The following TCF12 variants were observed in gnomAD, a reference collection of about 807,000 sequenced individuals.
The protein encoded by TCF12 is transcription factor 12.
Under a neutral mutation model 86.0 loss-of-function variants are expected in TCF12, and 45 were observed. That is an observed-to-expected ratio of 0.52 (90% confidence interval 0.41 to 0.67). TCF12 has a LOEUF of 0.67. TCF12 is among the 30% of genes least tolerant of loss of function. The probability of loss-of-function intolerance (pLI) is 0.00; values close to 1 mark genes in which losing one functional copy is unlikely to be tolerated. For missense variants in TCF12, 881 were observed against 859.9 expected (o/e 1.02, Z -0.31); for synonymous variants, 330 against 299.6 (o/e 1.10, Z -1.05).
rs1296502049 is a variant in TCF12, at chr15:57,246,827, T to G, written c.1114+3277T>G. 3.7e-5 allele frequency: 13 copies of G among 348,520 alleles called. No homozygotes were observed. In the East Asian group the frequency reaches 9.6e-4, roughly 26 times the overall value. The allele number at this position is 348,520 out of a possible 1,614,324, so 21.6% of individuals were successfully genotyped here. ...CAGTAACTTTTCTGACTATGGATCA[T>G]TGTTCCTTCTGTGGCAGATTTTTAC... On this transcript the variant is annotated intron_variant, in intron 13 of 20. Transcript: ENST00000333725.
chr15:57,002,696 C>T (rs189673180), intron 3 of TCF12, among the ~76,000 whole-genome samples: 21 of 152,316 alleles, frequency 1.4e-4, no homozygotes, highest in East Asian at 1.2e-3. Flanking sequence ...TTTTGACTGA[C>T]GAACTGTCAA....
At chr15:57,216,579 AAAAG>A (rs1166524484) in intron 8 of TCF12, among the ~76,000 whole-genome samples, 1 of 151,844 alleles carries the variant, frequency 6.6e-6, no homozygotes, top group East Asian at 1.9e-4. Context: ...AAAAAAAAAA[AAAAG>A]CAAAGATTAA....
At chr15:57,122,143 G>A (rs577305953) in intron 5 of TCF12, among the ~76,000 whole-genome samples, 1 of 145,202 alleles carries the variant, frequency 6.9e-6, no homozygotes, top group Non-Finnish European at 1.5e-5. Context: ...ATGCTTCATA[G>A]TCCTGTTCAA....
At chr15:57,070,573 C>A (rs2069286115) in intron 4 of TCF12, among the ~76,000 whole-genome samples, 1 of 152,170 alleles carries the variant, frequency 6.6e-6, no homozygotes, top group South Asian at 2.1e-4. Flanking sequence ...AGATTAATGT[C>A]ATTTTTCTTG....
chr15:57,098,624 T>G (rs534144289), intron 5 of TCF12, among the ~76,000 whole-genome samples: 2 of 152,342 alleles, frequency 1.3e-5, no homozygotes, highest in East Asian at 3.9e-4. Flanking sequence ...GTGATACGAA[T>G]AAATTCTTAC....
intron 3 of TCF12, among the ~76,000 whole-genome samples, chr15:56,975,061 A>C (rs1001031299): frequency 2.0e-5 from 3 of 152,252 alleles, no homozygotes; most frequent in Admixed American, 2.0e-4. Context: ...ATTTTCTTTA[A>C]TGAAAACATT....
chr15:57,201,497 A>G (rs550572202), intron 8 of TCF12, among the ~76,000 whole-genome samples: 4 of 152,184 alleles, frequency 2.6e-5, no homozygotes, highest in African/African-American at 9.6e-5. Context: ...GGTCACATCT[A>G]AAAGTACAGC....
intron 12 of TCF12, among the ~76,000 whole-genome samples, chr15:57,236,400 C>G (rs1406408520): frequency 6.6e-6 from 1 of 152,148 alleles, no homozygotes; most frequent in Non-Finnish European, 1.5e-5. Context: ...TTTTGAGAGT[C>G]TGACATGCAT....
intron 6 of TCF12, among the ~76,000 whole-genome samples, chr15:57,169,654 C>T (rs2055164200): frequency 6.6e-6 from 1 of 151,940 alleles, no homozygotes; most frequent in African/African-American, 2.4e-5. Flanking sequence ...TGTTTGAGAG[C>T]CACTGGGCTA....
chr15:57,065,541 T>A (rs1052542338), intron 4 of TCF12, among the ~76,000 whole-genome samples: 2 of 152,172 alleles, frequency 1.3e-5, no homozygotes, highest in Non-Finnish European at 2.9e-5. Context: ...AGTTACTTTG[T>A]AATAACTTGT....
chr15:57,003,753 A>G (rs150479688), intron 3 of TCF12, among the ~76,000 whole-genome samples: 10 of 152,350 alleles, frequency 6.6e-5, no homozygotes, highest in African/African-American at 2.4e-4. Flanking sequence ...AAAGTTGCAT[A>G]TATTGAATCC....
chr15:57,089,307 A>T (rs2048839810), intron 4 of TCF12, among the ~76,000 whole-genome samples: 1 of 152,188 alleles, frequency 6.6e-6, no homozygotes, highest in African/African-American at 2.4e-5. Context: ...ATGTGGATTA[A>T]TAGTATATGC....
intron 18 of TCF12, among the ~76,000 whole-genome samples, chr15:57,267,572 A>C (rs1294715576): frequency 6.6e-6 from 1 of 152,170 alleles, no homozygotes; most frequent in Non-Finnish European, 1.5e-5. Context: ...GCTTTACTGG[A>C]CATACAGTCT....
At chr15:57,271,364 C>G (rs2061134014) in intron 18 of TCF12, among the ~76,000 whole-genome samples, 1 of 152,216 alleles carries the variant, frequency 6.6e-6, no homozygotes, top group South Asian at 2.1e-4. Context: ...TAGCAGCAAG[C>G]AAGGCTCCGT....
At chr15:57,154,039 A>G (rs1290674561) in intron 5 of TCF12, among the ~76,000 whole-genome samples, 1 of 152,094 alleles carries the variant, frequency 6.6e-6, no homozygotes, top group Non-Finnish European at 1.5e-5. Flanking sequence ...TGAGAAAGAT[A>G]AAAGAACAAA....
chr15:56,918,640 A>C (rs1197686399), upstream of TCF12: 1 of 198,792 alleles, frequency 5.0e-6, no homozygotes, highest in Non-Finnish European at 1.0e-5. Context: ...AGGGATCCGG[A>C]GGCGAGCCGA....
intron 5 of TCF12, among the ~76,000 whole-genome samples, chr15:57,114,356 T>C (rs2050699673): frequency 6.6e-6 from 1 of 152,202 alleles, no homozygotes; most frequent in African/African-American, 2.4e-5. Flanking sequence ...AGTGGCATGA[T>C]CGTGGCTTAC....
intron 3 of TCF12, among the ~76,000 whole-genome samples, chr15:57,035,440 A>AT (rs1283290294): frequency 6.6e-6 from 1 of 151,968 alleles, no homozygotes; most frequent in Non-Finnish European, 1.5e-5. Flanking sequence ...ATTTTTTAAA[A>AT]TTTTTTTGTA....
At chr15:57,055,360 C>T (rs1481211814) in intron 3 of TCF12, among the ~76,000 whole-genome samples, 1 of 152,162 alleles carries the variant, frequency 6.6e-6, no homozygotes, top group African/African-American at 2.4e-5. Flanking sequence ...CAGATCGCGC[C>T]ACTGCACTCT....
Sources: allele counts gnomAD v4.1 joint callset (sites outside exome capture counted in the v4.1 genomes callset), GRCh38; gene constraint gnomAD v4.1.1; transcripts MANE v1.5; gene names NCBI Gene and HGNC (gene_info 2026-07-23, HGNC 2026-07-21).